Variants in CBFA2T2 observed in about 807,000 individuals in gnomAD.
The protein encoded by CBFA2T2 is protein CBFA2T2.
Under a neutral mutation model 62.2 loss-of-function variants are expected in CBFA2T2, and 11 were observed. The observed-to-expected ratio is 0.18, with a 90% CI of 0.11 to 0.29. The LOEUF (loss-of-function observed/expected upper bound fraction) is 0.29, where lower values mean the gene tolerates loss of function less well. Ranked by LOEUF, CBFA2T2 falls within the 10% of genes least tolerant of loss-of-function variation. The pLI, the probability that CBFA2T2 is intolerant of heterozygous loss-of-function variation, is 1.00. For missense variants in CBFA2T2, 592 were observed against 774.1 expected, an observed-to-expected ratio of 0.76 and a Z score of 2.79; for synonymous variants, 295 against 287.5, an observed-to-expected ratio of 1.03 and a Z score of -0.27.
At chr20:33,642,221 A>G (rs1275216113) in intron 10 of CBFA2T2, among the ~76,000 whole-genome samples, 1 of 150,606 alleles carries the variant, frequency 6.6e-6, no homozygotes, top group Non-Finnish European at 1.5e-5. Context: ...GGCTCAAGCT[A>G]TATATACTCT....
chr20:33,644,093 A>T (rs902468499), intron 10 of CBFA2T2, among the ~76,000 whole-genome samples: 2 of 151,916 alleles, frequency 1.3e-5, no homozygotes, highest in South Asian at 4.1e-4. Flanking sequence ...GTATTTTCAC[A>T]CACACATCTC....
intron 1 of CBFA2T2, among the ~76,000 whole-genome samples, chr20:33,551,382 A>G (rs1283247427): frequency 1.3e-5 from 2 of 151,590 alleles, no homozygotes; most frequent in East Asian, 3.9e-4. Flanking sequence ...ACGCCCAGCT[A>G]ATTTTGTATT....
chr20:33,602,937 A>G (rs888898234), intron 1 of CBFA2T2, among the ~76,000 whole-genome samples: 4 of 152,212 alleles, frequency 2.6e-5, no homozygotes, highest in Non-Finnish European at 5.9e-5. Flanking sequence ...CGAGATGGCT[A>G]CTAAGTGACT....
chr20:33,531,750 T>C (rs144639714), intron 1 of CBFA2T2, among the ~76,000 whole-genome samples: 1 of 152,344 alleles, frequency 6.6e-6, no homozygotes, highest in Non-Finnish European at 1.5e-5. Flanking sequence ...GCCAGGAGTC[T>C]AGCATTTGGA....
At chr20:33,541,775 CT>C (rs2012415169) in intron 1 of CBFA2T2, among the ~76,000 whole-genome samples, 2 of 152,122 alleles carry the variant, frequency 1.3e-5, no homozygotes, top group Non-Finnish European at 1.5e-5. Context: ...ATTTTTGGTA[CT>C]TTTTACTTGT....
chr20:33,525,241 A>C (rs2011854774), intron 1 of CBFA2T2, among the ~76,000 whole-genome samples: 2 of 150,494 alleles, frequency 1.3e-5, no homozygotes, highest in Admixed American at 1.3e-4. Flanking sequence ...GCTGGAGTGC[A>C]ATGGCACAAT....
chr20:33,606,730 A>G (rs1400219406), intron 1 of CBFA2T2, among the ~76,000 whole-genome samples: 2 of 151,924 alleles, frequency 1.3e-5, no homozygotes, highest in African/African-American at 2.4e-5. Context: ...GGATGATCTC[A>G]TCCTCTCAAG....
chr20:33,583,748 T>G (rs942712533), intron 1 of CBFA2T2, among the ~76,000 whole-genome samples: 3 of 152,146 alleles, frequency 2.0e-5, no homozygotes, highest in African/African-American at 7.2e-5. Flanking sequence ...TATTATGCAT[T>G]CATCCTCAGT....
At chr20:33,593,361 A>G (rs1267384783) in intron 1 of CBFA2T2, among the ~76,000 whole-genome samples, 1 of 151,584 alleles carries the variant, frequency 6.6e-6, no homozygotes, top group Non-Finnish European at 1.5e-5. Flanking sequence ...CCTATTACAT[A>G]ATAAACTGAT....
chr20:33,589,634 T>C (rs953037440), intron 1 of CBFA2T2, among the ~76,000 whole-genome samples: 3 of 152,156 alleles, frequency 2.0e-5, no homozygotes, highest in Non-Finnish European at 2.9e-5. Context: ...CTGGGCAATA[T>C]TGAATGATTG....
intron 1 of CBFA2T2, among the ~76,000 whole-genome samples, chr20:33,536,772 C>T (rs1472510567): frequency 1.3e-5 from 2 of 150,998 alleles, no homozygotes; most frequent in Non-Finnish European, 2.9e-5. Flanking sequence ...AGGCGATGGG[C>T]GGCCGGGCAG....
intron 1 of CBFA2T2, among the ~76,000 whole-genome samples, chr20:33,557,510 C>T (rs2012936887): frequency 6.8e-6 from 1 of 148,082 alleles, no homozygotes; most frequent in Admixed American, 6.7e-5. Flanking sequence ...ATTTCTATGT[C>T]TATATATTTT....
At chr20:33,571,383 A>G (rs1471750442) in intron 1 of CBFA2T2, among the ~76,000 whole-genome samples, 1 of 152,228 alleles carries the variant, frequency 6.6e-6, no homozygotes, top group African/African-American at 2.4e-5. Flanking sequence ...GAGTTTAAAG[A>G]TAGATGTTTC....
intron 1 of CBFA2T2, chr20:33,573,969 T>C (rs1168837005): frequency 4.5e-6 from 2 of 444,238 alleles, no homozygotes; most frequent in East Asian, 4.9e-5. Context: ...TTTTTTTTTT[T>C]GTAGAGGTGG....
At chr20:33,594,823 T>C (rs1288807489) in intron 1 of CBFA2T2, among the ~76,000 whole-genome samples, 1 of 152,182 alleles carries the variant, frequency 6.6e-6, no homozygotes, top group African/African-American at 2.4e-5. Context: ...ATTCAGTCGA[T>C]TTTGATTGTG....
At chr20:33,619,435 A>G (rs1376882575) in intron 3 of CBFA2T2, 82 bp from the exon 4 acceptor site, 2 of 673,302 alleles carry the variant, frequency 3.0e-6, no homozygotes, top group Non-Finnish European at 4.7e-6. Context: ...ATAACATTAA[A>G]AAAAAAAAAA....
At chr20:33,622,823 A>G (rs2016041523) in intron 4 of CBFA2T2, among the ~76,000 whole-genome samples, 1 of 152,236 alleles carries the variant, frequency 6.6e-6, no homozygotes, top group African/African-American at 2.4e-5. Context: ...TAAAATTATT[A>G]TGTTCAACAA....
intron 1 of CBFA2T2, among the ~76,000 whole-genome samples, chr20:33,588,046 A>G (rs2146922276): frequency 6.6e-6 from 1 of 152,312 alleles, no homozygotes; most frequent in South Asian, 2.1e-4. Context: ...TGAGAGAACT[A>G]TTACTTTTTG....
intron 1 of CBFA2T2, among the ~76,000 whole-genome samples, chr20:33,519,036 A>G (rs2011658934): frequency 6.6e-6 from 1 of 152,094 alleles, no homozygotes; most frequent in South Asian, 2.1e-4. Context: ...TCAAATAATG[A>G]AGGTGAATTC....
Sources: allele counts gnomAD v4.1 joint callset (sites outside exome capture counted in the v4.1 genomes callset), GRCh38; gene constraint gnomAD v4.1.1; transcripts MANE v1.5; gene names NCBI Gene and HGNC (gene_info 2026-07-23, HGNC 2026-07-21).